Variants in VAT1L observed in about 807,000 individuals in gnomAD.
The protein encoded by VAT1L is putative NADPH-dependent quinone oxidoreductase VAT1L.
In VAT1L, 34 loss-of-function variants were observed where a neutral mutation model predicts 44.1. The observed-to-expected ratio is 0.77, with a 90% CI of 0.59 to 1.03. The LOEUF (loss-of-function observed/expected upper bound fraction) is 1.03. VAT1L is among the 50% of genes least tolerant of loss of function. The probability of loss-of-function intolerance (pLI) is 0.00; values close to 1 mark genes in which losing one functional copy is unlikely to be tolerated. For synonymous variants in VAT1L, 253 were observed against 202.2 expected, an observed-to-expected ratio of 1.25 and a Z score of -2.13; for missense variants, 615 against 538.8, an observed-to-expected ratio of 1.14 and a Z score of -1.40.
rs2017748960 is a variant in VAT1L at position 77,932,908 on chromosome 16, G to C, written c.1078-38942G>C. ...AGAATGAATGGTAGGATTCAAGCAT[G>C]TTAGAACTCTACAGAAACAGAGGGA... On this transcript the variant is annotated intron_variant, in intron 7 of 8. Transcript: ENST00000302536. 2.0e-5 allele frequency among the ~76,000 whole-genome samples: 3 copies of C among 152,202 alleles called. No homozygotes were observed. The South Asian group carries it at 6.2e-4, about 32-fold the overall frequency.
chr16:77,965,880 G>A lies in VAT1L; in HGVS notation c.1078-5970G>A, dbSNP rs149792697. 2.0e-5 allele frequency among the ~76,000 whole-genome samples: 3 copies of A among 152,212 alleles called. No homozygotes were observed. The East Asian group carries it at 5.8e-4, about 29-fold the overall frequency. On this transcript the variant is annotated intron_variant, in intron 7 of 8. Transcript: ENST00000302536. ...TGTGACAGATGTCCTTTTGCACTAT[G>A]GACTCTGAGGTAGACACCATTGTCC...
chr16:77,817,069 T>A lies in VAT1L; in HGVS notation c.363+19T>A, dbSNP rs2966053. 5 of 1,607,164 alleles carry A rather than the reference T, an allele frequency of 3.1e-6. No homozygotes were observed. Among genetic ancestry groups the A allele is most frequent in the Non-Finnish European group, 3.4e-6 (4 of 1,177,782 alleles). On this transcript the variant is annotated intron_variant, in intron 2 of 8. Coordinates refer to ENST00000302536, the MANE Select transcript of VAT1L (RefSeq NM_020927.3). The stretch of plus-strand genomic sequence containing the variant: ...ATATGAGGTAATGTTTGGCTCTCAA[T>A]TGAAGAGTAATATTCATTTGGAATC...
chr16:77,929,770 C>G (rs1020179472), intron 7 of VAT1L, among the ~76,000 whole-genome samples: 1 of 152,132 alleles, frequency 6.6e-6, no homozygotes, highest in African/African-American at 2.4e-5. Context: ...GAAACATTTA[C>G]AGGTTAAGCA....
chr16:77,919,134 G>GTGCATGTGTGTGCA (rs939302297), intron 7 of VAT1L, among the ~76,000 whole-genome samples: 63 of 151,918 alleles, frequency 4.1e-4, no homozygotes, highest in African/African-American at 1.5e-3. Flanking sequence ...GTGTGTGTGT[G>GTGCATGTGTGTGCA]TGCATGTGTG....
At chr16:77,976,460 G>T (rs1053330895) in intron 8 of VAT1L, among the ~76,000 whole-genome samples, 1 of 152,134 alleles carries the variant, frequency 6.6e-6, no homozygotes, top group Admixed American at 6.5e-5. Context: ...TGGCCAAGGG[G>T]GAGAACCCAG....
At chr16:77,857,309 G>C (rs1336688041) in intron 3 of VAT1L, among the ~76,000 whole-genome samples, 1 of 152,184 alleles carries the variant, frequency 6.6e-6, no homozygotes, top group African/African-American at 2.4e-5. Flanking sequence ...TATTTGCTAG[G>C]CACGTAGGAG....
At chr16:77,858,767 C>T (rs2016886058) in intron 3 of VAT1L, among the ~76,000 whole-genome samples, 1 of 152,022 alleles carries the variant, frequency 6.6e-6, no homozygotes, top group African/African-American at 2.4e-5. Context: ...GTTTGGGAAG[C>T]CAAGATTGAT....
chr16:77,972,375 G>A (rs1340314113), intron 8 of VAT1L, among the ~76,000 whole-genome samples: 3 of 152,072 alleles, frequency 2.0e-5, no homozygotes, highest in Non-Finnish European at 4.4e-5. Flanking sequence ...CTGGAGTGCA[G>A]TAGCACTATC....
chr16:77,938,347 T>C (rs2017829715), intron 7 of VAT1L, among the ~76,000 whole-genome samples: 1 of 152,232 alleles, frequency 6.6e-6, no homozygotes, highest in South Asian at 2.1e-4. Context: ...TAAACAAAAC[T>C]GAACGCTCTG....
At chr16:77,812,500 T>C (rs1301225475) in intron 1 of VAT1L, among the ~76,000 whole-genome samples, 2 of 152,206 alleles carry the variant, frequency 1.3e-5, no homozygotes, top group Non-Finnish European at 2.9e-5. Context: ...GTCACTGTCA[T>C]GTACTGTCAG....
At chr16:77,907,845 T>G (rs2017454208) in intron 7 of VAT1L, among the ~76,000 whole-genome samples, 1 of 152,196 alleles carries the variant, frequency 6.6e-6, no homozygotes, top group Non-Finnish European at 1.5e-5. Context: ...TTAGCTATGT[T>G]TCTCACCATC....
chr16:77,837,660 C>T (rs181641311), intron 3 of VAT1L, among the ~76,000 whole-genome samples: 221 of 152,320 alleles, frequency 1.5e-3, no homozygotes, highest in Admixed American at 2.5e-3. Context: ...GGTCCAGATT[C>T]TGGAGTCAGA....
intron 3 of VAT1L, among the ~76,000 whole-genome samples, chr16:77,850,151 G>A: frequency 6.6e-6 from 1 of 152,202 alleles, no homozygotes; most frequent in East Asian, 1.9e-4. Flanking sequence ...GCATGCTGGT[G>A]TACAAATCCC....
intron 7 of VAT1L, among the ~76,000 whole-genome samples, chr16:77,886,762 A>T (rs2017213520): frequency 6.6e-6 from 1 of 152,154 alleles, no homozygotes; most frequent in Non-Finnish European, 1.5e-5. Flanking sequence ...ATAAATTTGG[A>T]TATACGTTGG....
intron 7 of VAT1L, among the ~76,000 whole-genome samples, chr16:77,924,797 C>T (rs1366759041): frequency 6.6e-6 from 1 of 152,096 alleles, no homozygotes; most frequent in Non-Finnish European, 1.5e-5. Flanking sequence ...ACCCAGACTC[C>T]AAGACCTTCA....
At chr16:77,836,182 G>A (rs2016636861) in intron 3 of VAT1L, among the ~76,000 whole-genome samples, 1 of 152,002 alleles carries the variant, frequency 6.6e-6, no homozygotes, top group Non-Finnish European at 1.5e-5. Flanking sequence ...ATAGTCAGAG[G>A]ATCCAATTTG....
Position 77,965,007 on chromosome 16 carries a change from C to G in VAT1L, c.1078-6843C>G, listed in dbSNP as rs369671328. Among the ~76,000 whole-genome samples the G allele has an allele frequency of 4.4e-4, 67 of 152,070 alleles. 1 individual carries two copies. The highest frequency in any genetic ancestry group is 1.5e-3 in the African/African-American group (62 of 41,458). On this transcript the variant is annotated intron_variant, in intron 7 of 8. Coordinates refer to ENST00000302536, the MANE Select transcript of VAT1L (RefSeq NM_020927.3). ...GTTTCTCCATGTTGGTCAGGCTAGCCTTGAACTCCCGACCTCAGGTGATTC... is the reference window on the plus strand; with the variant it reads ...GTTTCTCCATGTTGGTCAGGCTAGCGTTGAACTCCCGACCTCAGGTGATTC...
At chr16:77,805,781 A>G (rs373862942) in intron 1 of VAT1L, among the ~76,000 whole-genome samples, 90 of 151,570 alleles carry the variant, frequency 5.9e-4, no homozygotes, top group African/African-American at 2.1e-3. Context: ...GTGATTTTTC[A>G]TAGATTTTCC....
intron 7 of VAT1L, among the ~76,000 whole-genome samples, chr16:77,950,641 A>T (rs192515005): frequency 6.6e-6 from 1 of 152,160 alleles, no homozygotes; most frequent in African/African-American, 2.4e-5. Flanking sequence ...ATCTTCAGGG[A>T]TGTTCTGTGT....
Sources: allele counts gnomAD v4.1 joint callset (sites outside exome capture counted in the v4.1 genomes callset), GRCh38; gene constraint gnomAD v4.1.1; transcripts MANE v1.5; gene names NCBI Gene and HGNC (gene_info 2026-07-23, HGNC 2026-07-21).